The following SREK1IP1 variants were observed in gnomAD, a reference collection of about 807,000 sequenced individuals.
SREK1IP1 encodes protein SREK1IP1.
SREK1IP1 carries 12 observed loss-of-function variants against 22.8 expected under a neutral mutation model. The observed-to-expected ratio is 0.53, with a 90% confidence interval of 0.34 to 0.85. The LOEUF (loss-of-function observed/expected upper bound fraction) is 0.85, where lower values mean the gene tolerates loss of function less well. Among genes scored for constraint, SREK1IP1 ranks in the 40% least tolerant of loss-of-function variants. The probability of loss-of-function intolerance (pLI) is 0.02; values close to 1 mark genes in which losing one functional copy is unlikely to be tolerated. For missense variants in SREK1IP1, 147 were observed against 171.8 expected (o/e 0.86, Z 0.81); for synonymous variants, 53 against 52.7 (o/e 1.01, Z -0.02).
chr5:64,750,730 T>C (rs1470346718), intron 2 of SREK1IP1, among the ~76,000 whole-genome samples: 1 of 152,136 alleles, frequency 6.6e-6, no homozygotes, highest in East Asian at 1.9e-4. Flanking sequence ...TCTCCTACTT[T>C]CTATCACCAC....
At chr5:64,744,712 G>A (rs746551955) in intron 2 of SREK1IP1, among the ~76,000 whole-genome samples, 20 of 152,192 alleles carry the variant, frequency 1.3e-4, no homozygotes, top group South Asian at 2.1e-4. Context: ...ATCACAACAC[G>A]TAGTTGGACT....
rs1742207929 is a variant in SREK1IP1, at chr5:64,723,436, T to C, written c.*948A>G. The C allele has an allele frequency of 6.6e-6, 1 of 152,332 alleles. No individual in the cohort carries two copies. The highest frequency in any genetic ancestry group is 2.1e-4 in the South Asian group (1 of 4,832). The allele number at this position is 152,332 out of a possible 1,614,324, so 9.4% of individuals were successfully genotyped here. ...TTATGTCAGACAAAATAAATATATA[T>C]GCTCACATTTATAAAATTTTCCACA... On this transcript the variant is annotated 3_prime_UTR_variant, in exon 5 of 5. Transcript: ENST00000513458.
chr5:64,718,423 A>G lies in SREK1IP1; in HGVS notation c.*5961T>C, dbSNP rs1456945215. The G allele has an allele frequency of 6.5e-6, 1 of 153,522 alleles. No homozygotes were observed. Among genetic ancestry groups the G allele is most frequent in the Non-Finnish European group, 1.4e-5 (1 of 69,060 alleles). 9.5% of individuals were successfully genotyped at this position (153,522 alleles called of 1,614,324 possible). A position where few individuals can be genotyped will look rare whatever the true frequency, so the allele number is the denominator to read the frequency against. On this transcript the variant is annotated 3_prime_UTR_variant, in exon 5 of 5. Coordinates refer to ENST00000513458, the MANE Select transcript of SREK1IP1 (RefSeq NM_173829.4). The stretch of plus-strand genomic sequence containing the variant: ...GTACTGGATAGGTAAATATCAAGGG[A>G]ACTGTCTTAAAAACTAGAGGTGACT...
At chr5:64,738,680 G>C (rs2112095237) in intron 3 of SREK1IP1, among the ~76,000 whole-genome samples, 1 of 152,176 alleles carries the variant, frequency 6.6e-6, no homozygotes, top group African/African-American at 2.4e-5. Context: ...ATAAACCCAT[G>C]CATATATGAT....
rs1050312442 is a variant in SREK1IP1, at chr5:64,754,566, C to T, written c.14-204G>A. On this transcript the variant is annotated intron_variant, in intron 1 of 4. Transcript: ENST00000513458. ...TACAGCCTCCAGCTCCTGGCTCAGG[C>T]GATCCTCCTACCTTAGCCTCCCAAG... 1.4e-4 allele frequency: 68 copies of T among 487,160 alleles called. No individual in the cohort carries two copies. The East Asian group carries it at 1.9e-3, about 14-fold the overall frequency. The allele number at this position is 487,160 out of a possible 1,614,324, so 30.2% of individuals were successfully genotyped here. A position where few individuals can be genotyped will look rare whatever the true frequency, so the allele number is the denominator to read the frequency against.
At chr5:64,760,653 T>C (rs914787055) in intron 1 of SREK1IP1, among the ~76,000 whole-genome samples, 1 of 152,208 alleles carries the variant, frequency 6.6e-6, no homozygotes, top group Non-Finnish European at 1.5e-5. Context: ...TCTCCCACCC[T>C]GAATCTTTAA....
intron 2 of SREK1IP1, among the ~76,000 whole-genome samples, chr5:64,741,834 A>G (rs752517431): frequency 1.3e-5 from 2 of 152,122 alleles, no homozygotes; most frequent in Non-Finnish European, 2.9e-5. Flanking sequence ...TAATATAACC[A>G]ATACCTAAAT....
At chr5:64,760,509 C>T (rs1742931106) in intron 1 of SREK1IP1, among the ~76,000 whole-genome samples, 1 of 152,184 alleles carries the variant, frequency 6.6e-6, no homozygotes, top group African/African-American at 2.4e-5. Context: ...CCTTCAGGTG[C>T]ACTAGGATAG....
intron 1 of SREK1IP1, among the ~76,000 whole-genome samples, chr5:64,767,571 C>G (rs1157786464): frequency 6.6e-6 from 1 of 152,166 alleles, no homozygotes; most frequent in African/African-American, 2.4e-5. Context: ...AAGGCTGCCA[C>G]AGAATAAAGA....
intron 4 of SREK1IP1, among the ~76,000 whole-genome samples, chr5:64,725,860 T>TG (rs1742254225): frequency 7.0e-6 from 1 of 143,736 alleles, no homozygotes; most frequent in Non-Finnish European, 1.5e-5. Context: ...TTTGTTTGTT[T>TG]CTTTTTTTTT....
chr5:64,754,112 T>C (rs928373773), intron 2 of SREK1IP1, among the ~76,000 whole-genome samples: 6 of 152,220 alleles, frequency 3.9e-5, no homozygotes, highest in Admixed American at 6.5e-5. Flanking sequence ...ATCAGATACA[T>C]AGCTACCTGT....
intron 1 of SREK1IP1, among the ~76,000 whole-genome samples, chr5:64,761,470 T>C (rs760089752): frequency 2.6e-5 from 4 of 152,220 alleles, no homozygotes; most frequent in Non-Finnish European, 4.4e-5. Context: ...TGATATAGCC[T>C]GCTATACACC....
At chr5:64,755,665 C>A (rs1250504164) in intron 1 of SREK1IP1, among the ~76,000 whole-genome samples, 2 of 151,416 alleles carry the variant, frequency 1.3e-5, no homozygotes, top group Non-Finnish European at 2.9e-5. Flanking sequence ...GTTCAGGTAA[C>A]AAACTTGCAC....
rs1198782349 is a variant in SREK1IP1, at chr5:64,768,509, G to A, written c.9C>T (p.Val3=). The change falls in exon 1 of 5, where the codon GTC becomes GTT. Residue 3 remains valine (V), a synonymous_variant. Transcript: ENST00000513458. ...GGCCCTGTAATTGCTCCTTACCTGG[G>A]ACTGCCATGACGGTGGTAAGAGGGG... MA[V]PGCNKDSVRA... 1.9e-6 allele frequency: 3 copies of A among 1,614,154 alleles called. No homozygotes were observed. Among genetic ancestry groups the A allele is most frequent in the Non-Finnish European group, 2.5e-6 (3 of 1,180,030 alleles).
chr5:64,759,775 A>C (rs1245908570), intron 1 of SREK1IP1, among the ~76,000 whole-genome samples: 4 of 152,174 alleles, frequency 2.6e-5, no homozygotes, highest in Non-Finnish European at 5.9e-5. Context: ...AAACAGGTAA[A>C]ATGTACACTA....
intron 1 of SREK1IP1, among the ~76,000 whole-genome samples, chr5:64,760,281 A>G (rs1742925050): frequency 6.6e-6 from 1 of 152,200 alleles, no homozygotes; most frequent in East Asian, 1.9e-4. Context: ...GACAAACACC[A>G]CCACTTTAAA....
At chr5:64,768,367 A>C (rs1198806214) in intron 1 of SREK1IP1, 138 bp downstream of exon 1, 3 of 1,108,650 alleles carry the variant, frequency 2.7e-6, no homozygotes, top group Admixed American at 4.9e-5. Flanking sequence ...TTTTTCATGT[A>C]AACAAAACAA....
intron 1 of SREK1IP1, among the ~76,000 whole-genome samples, chr5:64,765,325 T>C (rs1196314835): frequency 6.6e-6 from 1 of 152,198 alleles, no homozygotes; most frequent in African/African-American, 2.4e-5. Context: ...ACAAGGCTGA[T>C]TTTTATGTGT....
At chr5:64,747,910 G>A (rs1561388655) in intron 2 of SREK1IP1, among the ~76,000 whole-genome samples, 1 of 151,768 alleles carries the variant, frequency 6.6e-6, no homozygotes, top group Non-Finnish European at 1.5e-5. Flanking sequence ...TCCAGCCTGG[G>A]TGACAGAGCG....
Sources: gnomAD v4.1 joint callset for allele counts (sites outside exome capture counted in the v4.1 genomes callset) on GRCh38, gnomAD v4.1.1 for gene constraint, MANE v1.5 for transcripts, NCBI Gene and HGNC (gene_info 2026-07-23, HGNC 2026-07-21) for gene names.